The following DLG2 variants were observed in gnomAD, a reference collection of about 807,000 sequenced individuals.
The protein encoded by DLG2 is discs large MAGUK scaffold protein 2, also known as disks large homolog 2.
DLG2 carries 45 observed loss-of-function variants against 132.5 expected under a neutral mutation model. That is an observed-to-expected ratio of 0.34 (90% CI 0.27 to 0.44). DLG2 has a LOEUF of 0.44. Among genes scored for constraint, DLG2 ranks in the 20% least tolerant of loss-of-function variants. The probability of loss-of-function intolerance (pLI) is 1.00; values close to 1 mark genes in which losing one functional copy is unlikely to be tolerated. For missense variants in DLG2, 1,045 were observed against 1,196.9 expected (o/e 0.87, Z 1.87); for synonymous variants, 424 against 419.6 (o/e 1.01, Z -0.13).
chr11:85,237,698 C>A (rs1235309763), intron 4 of DLG2, among the ~76,000 whole-genome samples: 3 of 152,040 alleles, frequency 2.0e-5, no homozygotes, highest in African/African-American at 7.2e-5. Flanking sequence ...TTAGATGCAA[C>A]TGACCAGCAA....
At chr11:85,320,217 G>C (rs1189640498) in intron 3 of DLG2, among the ~76,000 whole-genome samples, 1 of 151,898 alleles carries the variant, frequency 6.6e-6, no homozygotes, top group African/African-American at 2.4e-5. Flanking sequence ...AGAGTCATGA[G>C]CATTATTTAG....
intron 18 of DLG2, among the ~76,000 whole-genome samples, chr11:83,663,856 A>C (rs148081007): frequency 2.6e-5 from 4 of 152,194 alleles, no homozygotes; most frequent in Admixed American, 2.6e-4. Flanking sequence ...AGAAATAAGA[A>C]TCCATCCATC....
At position 83,471,520 on chromosome 11, in the gene DLG2, T is replaced by G. The variant is rs188348278; in HGVS notation, c.2446+106A>C. 34 of 781,324 alleles carry G rather than the reference T, an allele frequency of 4.4e-5. 1 individual carries two copies. The Admixed American group carries it at 6.9e-4, about 16-fold the overall frequency. The allele number at this position is 781,324 out of a possible 1,614,324, so 48.4% of individuals were successfully genotyped here. ...TCAGCTAATCGGAAATGGTTGGTAT[T>G]TGAATTACTGGAGAGACTACTGGAG... is the stretch of plus-strand genomic sequence containing the variant. On this transcript the variant is annotated intron_variant, in intron 24 of 27. Transcript: ENST00000376104.
intron 7 of DLG2, among the ~76,000 whole-genome samples, chr11:84,309,214 A>G (rs1026116097): frequency 8.5e-5 from 13 of 152,220 alleles, no homozygotes; most frequent in Admixed American, 3.9e-4. Flanking sequence ...TTGGAAGAAA[A>G]ACATTAAAAA....
intron 6 of DLG2, chr11:85,020,710 G>T: frequency 1.8e-6 from 1 of 559,844 alleles, no homozygotes; most frequent in Non-Finnish European, 3.4e-6. Context: ...TGGGAAAACT[G>T]GCTAGCCATA....
chr11:83,635,830 A>C (rs1181672908), intron 18 of DLG2, among the ~76,000 whole-genome samples: 2 of 152,176 alleles, frequency 1.3e-5, no homozygotes, highest in African/African-American at 2.4e-5. Flanking sequence ...TATCACAAAC[A>C]GGGATCTTGG....
chr11:85,182,478 A>C (rs1175457887), intron 4 of DLG2, among the ~76,000 whole-genome samples: 1 of 151,984 alleles, frequency 6.6e-6, no homozygotes, highest in Admixed American at 6.6e-5. Context: ...CACTTACATT[A>C]TAATTTTTAT....
chr11:85,226,118 C>T (rs745766438), intron 4 of DLG2, among the ~76,000 whole-genome samples: 55 of 151,398 alleles, frequency 3.6e-4, no homozygotes, highest in Non-Finnish European at 6.0e-4. Context: ...TCCATAGTGA[C>T]ATAATTGTTA....
chr11:83,850,123 A>AGTGTGTGTGT (rs544279195), intron 16 of DLG2, among the ~76,000 whole-genome samples: 252 of 39,084 alleles, frequency 6.4e-3, no homozygotes, highest in South Asian at 0.032. Flanking sequence ...ATTTGGGGTA[A>AGTGTGTGTGT]GTGTGTGTGT....
At chr11:83,574,013 A>G (rs1234737508) in intron 19 of DLG2, among the ~76,000 whole-genome samples, 1 of 152,154 alleles carries the variant, frequency 6.6e-6, no homozygotes, top group African/African-American at 2.4e-5. Context: ...GGTTGTTGTA[A>G]TGATTAAATG....
intron 8 of DLG2, among the ~76,000 whole-genome samples, chr11:84,236,033 C>A (rs1409775584): frequency 2.1e-5 from 3 of 140,734 alleles, no homozygotes; most frequent in Non-Finnish European, 4.6e-5. Context: ...GATATTTCCA[C>A]CTTTCTCCAT....
chr11:84,734,462 G>C (rs1394944043), intron 6 of DLG2, among the ~76,000 whole-genome samples: 1 of 152,104 alleles, frequency 6.6e-6, no homozygotes, highest in Non-Finnish European at 1.5e-5. Flanking sequence ...GTATAAGAAT[G>C]CTTGTGATTT....
At chr11:84,502,580 T>C (rs1365941951) in intron 7 of DLG2, among the ~76,000 whole-genome samples, 2 of 151,282 alleles carry the variant, frequency 1.3e-5, no homozygotes, top group Non-Finnish European at 2.9e-5. Context: ...TATTTTTTAG[T>C]AGAGATGGTG....
chr11:84,389,232 C>T (rs947606371), intron 7 of DLG2, among the ~76,000 whole-genome samples: 4 of 151,966 alleles, frequency 2.6e-5, no homozygotes, highest in Non-Finnish European at 5.9e-5. Context: ...AAGTTTGTAA[C>T]CAGAGTAAAT....
intron 17 of DLG2, chr11:83,814,758 G>T: frequency 5.1e-6 from 1 of 194,456 alleles, no homozygotes; most frequent in South Asian, 1.2e-4. Context: ...ACTTCTTTGT[G>T]GACATTTTCC....
intron 6 of DLG2, among the ~76,000 whole-genome samples, chr11:84,952,575 G>A (rs2051106431): frequency 2.0e-5 from 3 of 151,560 alleles, no homozygotes; most frequent in Admixed American, 2.0e-4. Flanking sequence ...CAAGAGTGAG[G>A]TGCTGCAGTT....
At chr11:84,945,067 T>C (rs1289335365) in intron 6 of DLG2, among the ~76,000 whole-genome samples, 1 of 152,192 alleles carries the variant, frequency 6.6e-6, no homozygotes, top group Non-Finnish European at 1.5e-5. Context: ...GGTGAGGTCA[T>C]GTTTTCGTAG....
intron 4 of DLG2, among the ~76,000 whole-genome samples, chr11:85,171,321 C>G (rs140371778): frequency 6.6e-6 from 1 of 152,266 alleles, no homozygotes; most frequent in African/African-American, 2.4e-5. Flanking sequence ...GGGGAACCCC[C>G]ACCTCCAGCC....
At chr11:85,465,585 TGA>T (rs1057348916) in intron 3 of DLG2, among the ~76,000 whole-genome samples, 34 of 152,132 alleles carry the variant, frequency 2.2e-4, no homozygotes, top group African/African-American at 8.2e-4. Flanking sequence ...GATAGTTTGC[TGA>T]GAGTGATGGT....
Sources: allele counts gnomAD v4.1 joint callset (sites outside exome capture counted in the v4.1 genomes callset), GRCh38; gene constraint gnomAD v4.1.1; transcripts MANE v1.5; gene names NCBI Gene and HGNC (gene_info 2026-07-23, HGNC 2026-07-21).